The following KCNJ12 variants were observed in gnomAD, a reference collection of about 807,000 sequenced individuals.
KCNJ12 encodes ATP-sensitive inward rectifier potassium channel 12.
A neutral mutation model predicts 22.3 loss-of-function variants in KCNJ12; 2 were observed. The observed-to-expected ratio is 0.09, with a 90% confidence interval of 0.04 to 0.28. KCNJ12 has a LOEUF of 0.28. KCNJ12 is among the 10% of genes least tolerant of loss of function. The pLI, the probability that KCNJ12 is intolerant of heterozygous loss-of-function variation, is 1.00. For missense variants in KCNJ12, 155 were observed against 633.3 expected (o/e 0.24, Z 8.11); for synonymous variants, 117 against 261.4 (o/e 0.45, Z 5.33).
At position 21,416,517 on chromosome 17, in the gene KCNJ12, C is replaced by T. The variant is rs541946650; in HGVS notation, c.1175C>T (p.Ala392Val). Residue 392 changes from alanine to valine, a missense_variant, in exon 3 of 3, where the codon GCG becomes GTG. Coordinates refer to ENST00000583088, the MANE Select transcript of KCNJ12 (RefSeq NM_021012.5). ...AFLSRDEEDEADGDQDGRSRD... is the reference protein window; with the variant it reads ...AFLSRDEEDEVDGDQDGRSRD... ...CTGAGCCGTGACGAGGAGGATGAGG[C>T]GGACGGAGACCAGGACGGCCGAAGC... The T allele has an allele frequency of 2.7e-5, 43 of 1,613,004 alleles. No individual in the cohort carries two copies. Among genetic ancestry groups the T allele is most frequent in the Admixed American group, 1.7e-4 (10 of 60,020 alleles).
intron 1 of KCNJ12, among the ~76,000 whole-genome samples, chr17:21,403,062 G>T (rs1202124105): frequency 6.6e-6 from 1 of 152,308 alleles, no homozygotes; most frequent in African/African-American, 2.4e-5. Context: ...AAACATGCTA[G>T]GAGTACTCAC....
chr17:21,413,983 G>A (rs1311718625), intron 2 of KCNJ12, among the ~76,000 whole-genome samples: 1 of 152,300 alleles, frequency 6.6e-6, no homozygotes, highest in Admixed American at 6.5e-5. Context: ...GCTGAGGTCA[G>A]CCAGGGAGCA....
At chr17:21,379,859 C>T (rs1451245191) in intron 1 of KCNJ12, among the ~76,000 whole-genome samples, 3 of 151,146 alleles carry the variant, frequency 2.0e-5, no homozygotes, top group Non-Finnish European at 4.5e-5. Context: ...GGACCAGAGC[C>T]CCCGCTGGGC....
At position 21,388,297 on chromosome 17, in the gene KCNJ12, G is replaced by C. The variant is rs377397840; in HGVS notation, c.-179+11384G>C. Among the ~76,000 whole-genome samples, 24 of 152,242 alleles carry C rather than the reference G, an allele frequency of 1.6e-4. 1 individual carries two copies. The highest frequency in any genetic ancestry group is 5.5e-4 in the African/African-American group (23 of 41,568). On this transcript the variant is annotated intron_variant, in intron 1 of 2. Coordinates refer to ENST00000583088, the MANE Select transcript of KCNJ12 (RefSeq NM_021012.5). ...GCGGCCTCGCTTCAGACGCCTGAGC[G>C]GGGCGTTGGGAGGACCTGCCATACC... is the stretch of plus-strand genomic sequence containing the variant.
chr17:21,395,591 A>AAAG (rs1905333012), intron 1 of KCNJ12, among the ~76,000 whole-genome samples: 1 of 151,252 alleles, frequency 6.6e-6, no homozygotes, highest in Admixed American at 6.6e-5. Flanking sequence ...AAAAAAAAAA[A>AAAG]AAAGAAAGAA....
chr17:21,394,703 G>A (rs917399686), intron 1 of KCNJ12, among the ~76,000 whole-genome samples: 2 of 152,178 alleles, frequency 1.3e-5, no homozygotes. Flanking sequence ...TGAAGACAGA[G>A]ACTGCCTGGT....
intron 1 of KCNJ12, among the ~76,000 whole-genome samples, chr17:21,403,889 G>T (rs934698): frequency 6.6e-6 from 1 of 152,286 alleles, no homozygotes; most frequent in African/African-American, 2.4e-5. Flanking sequence ...GATGGAGACA[G>T]GATTTGAATT....
At chr17:21,398,276 C>A (rs1905447808) in intron 1 of KCNJ12, among the ~76,000 whole-genome samples, 1 of 152,208 alleles carries the variant, frequency 6.6e-6, no homozygotes, top group South Asian at 2.1e-4. Flanking sequence ...CTGCACACAC[C>A]CATGTGTGCC....
At position 21,393,094 on chromosome 17, in the gene KCNJ12, C is replaced by T. The variant is rs376531103; in HGVS notation, c.-178-15425C>T. Among the ~76,000 whole-genome samples, 8 of 152,292 alleles carry T rather than the reference C, an allele frequency of 5.3e-5. No homozygotes were observed. In the East Asian group the frequency reaches 7.7e-4, roughly 15 times the overall value. On this transcript the variant is annotated intron_variant, in intron 1 of 2. Transcript: ENST00000583088. ...TTTTAAGTCCATGTGCCTCCCTGCA[C>T]GGCCGTACCGGCTCTCCCTTGCCCT... is the stretch of plus-strand genomic sequence containing the variant.
chr17:21,390,972 C>T (rs1555559247), intron 1 of KCNJ12, among the ~76,000 whole-genome samples: 1 of 152,196 alleles, frequency 6.6e-6, no homozygotes, highest in African/African-American at 2.4e-5. Flanking sequence ...ACTGCCAGTC[C>T]CTGCACCATC....
chr17:21,409,043 A>C (rs1906156812), intron 2 of KCNJ12, among the ~76,000 whole-genome samples: 1 of 152,312 alleles, frequency 6.6e-6, no homozygotes, highest in African/African-American at 2.4e-5. Flanking sequence ...TCAGCTGCTT[A>C]GTCCTTCACC....
chr17:21,384,807 C>T (rs1555558459), intron 1 of KCNJ12, among the ~76,000 whole-genome samples: 1 of 140,910 alleles, frequency 7.1e-6, no homozygotes, highest in African/African-American at 2.6e-5. Flanking sequence ...GAGTCTCACT[C>T]TGTCGCCCAG....
rs536449339 is a variant in KCNJ12, at chr17:21,394,015, G to A, written c.-178-14504G>A. 3.3e-5 allele frequency among the ~76,000 whole-genome samples: 5 copies of A among 152,318 alleles called. No individual in the cohort carries two copies. The East Asian group carries it at 9.6e-4, about 29-fold the overall frequency. On this transcript the variant is annotated intron_variant, in intron 1 of 2. Transcript: ENST00000583088. The stretch of plus-strand genomic sequence containing the variant: ...AAGGAGGACAGGTTGGAGTAATAAG[G>A]GGTTTGGTCTAGGCTGTGGTCTACC...
At chr17:21,395,313 A>G (rs7222159) in intron 1 of KCNJ12, among the ~76,000 whole-genome samples, 24,101 of 144,930 alleles carry the variant, frequency 0.17, 6,196 homozygotes, top group African/African-American at 0.56. Flanking sequence ...AAAAAAAAAA[A>G]ACGGCGCACA....
chr17:21,396,069 GT>G (rs2142057952), intron 1 of KCNJ12, among the ~76,000 whole-genome samples: 1 of 152,274 alleles, frequency 6.6e-6, no homozygotes, highest in South Asian at 2.1e-4. Flanking sequence ...TGCCAGGCTT[GT>G]TATGGTGGCT....
At chr17:21,407,807 CCATT>C (rs1906059366) in intron 1 of KCNJ12, among the ~76,000 whole-genome samples, 1 of 18,248 alleles carries the variant, frequency 5.5e-5, no homozygotes, top group African/African-American at 4.0e-4. Context: ...ATCCACTCAT[CCATT>C]CACCCATTCA....
Position 21,416,697 on chromosome 17 carries a change from G to A in KCNJ12, c.*53G>A, listed in dbSNP as rs1555563055. 9.3e-6 allele frequency: 14 copies of A among 1,509,412 alleles called. No individual in the cohort carries two copies. Among genetic ancestry groups the A allele is most frequent in the South Asian group, 4.0e-5 (3 of 75,742 alleles). 93.5% of individuals were successfully genotyped at this position (1,509,412 alleles called of 1,614,324 possible). A position where few individuals can be genotyped will look rare whatever the true frequency, so the allele number is the denominator to read the frequency against. Reference sequence around the variant, plus strand: ...ACCCCCGGCTGGGGAGAGGCCCCGCGGTCGCTCAGGGGCCCCGGGTTTGAG... The same window carrying A: ...ACCCCCGGCTGGGGAGAGGCCCCGCAGTCGCTCAGGGGCCCCGGGTTTGAG... On this transcript the variant is annotated 3_prime_UTR_variant, in exon 3 of 3. Transcript: ENST00000583088.
intron 1 of KCNJ12, among the ~76,000 whole-genome samples, chr17:21,399,286 T>C (rs1905493792): frequency 6.6e-6 from 1 of 152,204 alleles, no homozygotes; most frequent in African/African-American, 2.4e-5. Context: ...TCTGAGCTTA[T>C]TTCTTCGTCT....
rs561845418 is a variant in KCNJ12 at position 21,379,843 on chromosome 17, G to A, written c.-179+2930G>A. Among the ~76,000 whole-genome samples the A allele has an allele frequency of 4.4e-3, 667 of 152,212 alleles. 2 individuals carry two copies. The highest frequency in any genetic ancestry group is 5.7e-3 in the Non-Finnish European group (386 of 67,960). ...GTGGGTTTTCTGAGGTGCTGGGCTC[G>A]GGGCAGGACCAGAGCCCCCGCTGGG... is the stretch of plus-strand genomic sequence containing the variant. On this transcript the variant is annotated intron_variant, in intron 1 of 2. Coordinates refer to ENST00000583088, the MANE Select transcript of KCNJ12 (RefSeq NM_021012.5).
Sources: allele counts gnomAD v4.1 joint callset (sites outside exome capture counted in the v4.1 genomes callset), GRCh38; gene constraint gnomAD v4.1.1; transcripts MANE v1.5; gene names NCBI Gene and HGNC (gene_info 2026-07-23, HGNC 2026-07-21).